Variants in MGAT5 observed in about 807,000 individuals in gnomAD.
MGAT5 encodes alpha-1,6-mannosylglycoprotein 6-beta-N-acetylglucosaminyltransferase.
In MGAT5, 30 loss-of-function variants were observed where a neutral mutation model predicts 94.3. The ratio of observed to expected loss-of-function variants is 0.32; its 90% CI spans 0.24 to 0.43. MGAT5 has a LOEUF of 0.43. MGAT5 is among the 20% of genes least tolerant of loss of function. The pLI is 1.00. For missense variants in MGAT5, 691 were observed against 905.5 expected (o/e 0.76, Z 3.04); for synonymous variants, 310 against 322.9 (o/e 0.96, Z 0.43).
intron 2 of MGAT5, among the ~76,000 whole-genome samples, chr2:134,297,467 C>T (rs1314299883): frequency 6.6e-6 from 1 of 152,084 alleles, no homozygotes; most frequent in African/African-American, 2.4e-5. Context: ...CCATGAACTC[C>T]TATAAACACT....
intron 11 of MGAT5, among the ~76,000 whole-genome samples, chr2:134,410,493 CAT>C (rs1009318410): frequency 2.6e-5 from 4 of 152,214 alleles, no homozygotes; most frequent in African/African-American, 9.7e-5. Context: ...TCATTCTAAA[CAT>C]ATGAGGCTTT....
intron 2 of MGAT5, among the ~76,000 whole-genome samples, chr2:134,306,889 G>A (rs982869379): frequency 2.6e-5 from 4 of 152,138 alleles, no homozygotes; most frequent in Non-Finnish European, 1.5e-5. Context: ...CATTGCTGAG[G>A]TTCAGTGTGG....
rs1025777726 is a variant in MGAT5, at chr2:134,120,568, A to AC, written c.-143+285dup. On this transcript the variant is annotated intron_variant, in intron 1 of 16. Coordinates refer to the MGAT5 transcript ENST00000409645. ...GGCAGCCCCTCCCAGGGGAGGCTGA[A>AC]CCCCCCCCGCCCCGTGACGAGGGGG... 1.7e-3 allele frequency among the ~76,000 whole-genome samples: 247 copies of AC among 146,848 alleles called. 2 individuals are homozygous for AC. The highest frequency in any genetic ancestry group is 3.6e-3 in the Middle Eastern group (1 of 276).
chr2:134,328,341 C>G (rs940484843), intron 4 of MGAT5, among the ~76,000 whole-genome samples: 10 of 151,990 alleles, frequency 6.6e-5, no homozygotes, highest in African/African-American at 1.9e-4. Context: ...CCTGTCTTGT[C>G]AGGGGGCAGC....
chr2:134,347,502 T>A lies in MGAT5; in HGVS notation c.1113-2303T>A, dbSNP rs183653991. Among the ~76,000 whole-genome samples, 497 of 152,322 alleles carry A rather than the reference T, an allele frequency of 3.3e-3. 8 individuals are homozygous for A. The highest frequency in any genetic ancestry group is 0.011 in the African/African-American group (478 of 41,576). On this transcript the variant is annotated intron_variant, in intron 8 of 15. Coordinates refer to ENST00000281923, the MANE Select transcript of MGAT5 (RefSeq NM_002410.5). Reference sequence around the variant, plus strand: ...AAAACTTCAAAGTTAAAAATGTCACTAGCCAAAGCTAGAGAAGAGTATATC... The same window carrying A: ...AAAACTTCAAAGTTAAAAATGTCACAAGCCAAAGCTAGAGAAGAGTATATC...
Position 134,228,218 on chromosome 2 carries a change from T to C in MGAT5, c.-142-26044T>C, listed in dbSNP as rs76729926. Among the ~76,000 whole-genome samples the C allele has an allele frequency of 2.6e-5, 4 of 152,240 alleles. No homozygotes were observed. The East Asian group carries it at 5.8e-4, about 22-fold the overall frequency. On this transcript the variant is annotated intron_variant, in intron 1 of 16. Coordinates refer to the MGAT5 transcript ENST00000409645. Reference sequence around the variant, plus strand: ...GTGTGTTTAGGAAGGTAGAAAAGAATGGGTGCAGTGGAAAGTAAGGTGTTT... The same window carrying C: ...GTGTGTTTAGGAAGGTAGAAAAGAACGGGTGCAGTGGAAAGTAAGGTGTTT...
At chr2:134,205,743 T>A (rs186931981) in intron 1 of MGAT5, among the ~76,000 whole-genome samples, 1 of 152,080 alleles carries the variant, frequency 6.6e-6, no homozygotes, top group Non-Finnish European at 1.5e-5. Flanking sequence ...GTACACTTGC[T>A]GAGGGAGAGA....
chr2:134,158,523 G>A (rs1402980520), intron 1 of MGAT5, among the ~76,000 whole-genome samples: 2 of 152,220 alleles, frequency 1.3e-5, no homozygotes, highest in Non-Finnish European at 2.9e-5. Flanking sequence ...TAGGCAGCGA[G>A]AGCAGGCCCT....
intron 1 of MGAT5, among the ~76,000 whole-genome samples, chr2:134,185,902 C>G (rs889602259): frequency 6.6e-6 from 1 of 152,154 alleles, no homozygotes; most frequent in African/African-American, 2.4e-5. Flanking sequence ...TCCAATTGCT[C>G]CTGGTTCAGA....
At chr2:134,245,963 G>T (rs1218023651) in intron 1 of MGAT5, among the ~76,000 whole-genome samples, 1 of 152,088 alleles carries the variant, frequency 6.6e-6, no homozygotes, top group Non-Finnish European at 1.5e-5. Flanking sequence ...AAAACTCTGG[G>T]TACAGGACTG....
intron 9 of MGAT5, among the ~76,000 whole-genome samples, chr2:134,358,204 G>C (rs1158938253): frequency 7.2e-6 from 1 of 138,788 alleles, no homozygotes; most frequent in African/African-American, 2.9e-5. Context: ...TTTTTTTTTG[G>C]ATGCATAAAA....
intron 1 of MGAT5, among the ~76,000 whole-genome samples, chr2:134,256,449 C>G (rs1682967996): frequency 6.6e-6 from 1 of 152,140 alleles, no homozygotes; most frequent in Admixed American, 6.5e-5. Context: ...TCTGTCAAAC[C>G]TTTTCCATGG....
intron 1 of MGAT5, among the ~76,000 whole-genome samples, chr2:134,121,642 C>T (rs989225135): frequency 2.0e-5 from 3 of 152,222 alleles, no homozygotes; most frequent in African/African-American, 7.2e-5. Context: ...AAGATGAGTA[C>T]TTCTGGGTCT....
At chr2:134,418,403 A>G (rs1057426901) in intron 12 of MGAT5, among the ~76,000 whole-genome samples, 4 of 152,176 alleles carry the variant, frequency 2.6e-5, no homozygotes, top group South Asian at 2.1e-4. Context: ...GATCCTTTCA[A>G]CAGTCGCTCA....
intron 7 of MGAT5, among the ~76,000 whole-genome samples, chr2:134,343,754 A>G (rs12991556): frequency 0.17 from 25,873 of 152,150 alleles, 2,956 homozygotes; most frequent in African/African-American, 0.32. Flanking sequence ...TCAGCAGGCC[A>G]AATCAGCCCT....
intron 10 of MGAT5, among the ~76,000 whole-genome samples, chr2:134,388,426 A>G (rs1432277255): frequency 2.0e-5 from 3 of 150,798 alleles, no homozygotes; most frequent in Admixed American, 1.3e-4. Flanking sequence ...TCTCTAAGAT[A>G]TGAAGATCTT....
chr2:134,347,553 C>T (rs1435042906), intron 8 of MGAT5, among the ~76,000 whole-genome samples: 1 of 152,134 alleles, frequency 6.6e-6, no homozygotes, highest in East Asian at 1.9e-4. Flanking sequence ...CCATGAGTTC[C>T]ACATCAACGG....
chr2:134,362,436 T>G (rs772735883), intron 10 of MGAT5, 28 bp downstream of exon 10: 1 of 1,603,310 alleles, frequency 6.2e-7, no homozygotes, highest in Non-Finnish European at 8.5e-7. Context: ...TGTCTCTCTC[T>G]CTGAAAAGAA....
At chr2:134,151,562 T>C (rs1299514387) in intron 1 of MGAT5, among the ~76,000 whole-genome samples, 9 of 107,188 alleles carry the variant, frequency 8.4e-5, no homozygotes, top group African/African-American at 7.5e-5. Context: ...TGGGACCCAC[T>C]CACTGCCATG....
Sources: allele counts gnomAD v4.1 joint callset (sites outside exome capture counted in the v4.1 genomes callset), GRCh38; gene constraint gnomAD v4.1.1; transcripts MANE v1.5; gene names NCBI Gene and HGNC (gene_info 2026-07-23, HGNC 2026-07-21).